TJP2: variants seen among roughly 807,000 people sequenced by gnomAD.
TJP2 encodes the protein tight junction protein 2, also known as Friedreich ataxia region gene X104 (tight junction protein ZO-2).
Under a neutral mutation model 133.1 loss-of-function variants are expected in TJP2, and 91 were observed. The observed-to-expected ratio is 0.68, with a 90% CI of 0.58 to 0.81. The LOEUF (loss-of-function observed/expected upper bound fraction) is 0.81. Ranked by LOEUF, TJP2 falls within the 40% of genes least tolerant of loss-of-function variation. The pLI, the probability that TJP2 is intolerant of heterozygous loss-of-function variation, is 0.00. For missense variants in TJP2, 1,541 were observed against 1,565.6 expected, an observed-to-expected ratio of 0.98 and a Z score of 0.26; for synonymous variants, 592 against 583.4, an observed-to-expected ratio of 1.01 and a Z score of -0.21.
At chr9:69,143,957 G>T (rs1823111545) in intron 1 of TJP2, among the ~76,000 whole-genome samples, 1 of 152,102 alleles carries the variant, frequency 6.6e-6, no homozygotes, top group South Asian at 2.1e-4. Context: ...AAAGATATTA[G>T]TTCTCAAGGT....
At chr9:69,197,688 CA>C (rs1257422209) in intron 1 of TJP2, among the ~76,000 whole-genome samples, 1 of 151,390 alleles carries the variant, frequency 6.6e-6, no homozygotes, top group Non-Finnish European at 1.5e-5. Context: ...TTACTTTATT[CA>C]GTTCTCAGAA....
intron 4 of TJP2, among the ~76,000 whole-genome samples, chr9:69,220,081 C>T (rs1280658837): frequency 2.0e-5 from 3 of 152,162 alleles, no homozygotes; most frequent in East Asian, 1.9e-4. Flanking sequence ...ACCTGGGAGG[C>T]GGAGGTTGCA....
At position 69,221,000 on chromosome 9, in the gene TJP2, G is replaced by A; in HGVS notation, c.456G>A (p.Arg152=). The A allele has an allele frequency of 6.2e-7, 1 of 1,612,288 alleles. No individual in the cohort carries two copies. The highest frequency in any genetic ancestry group is 1.1e-5 in the South Asian group (1 of 90,836). The change falls in exon 5 of 23, where the codon CGG becomes CGA. Residue 152 remains arginine, a synonymous_variant. Coordinates refer to ENST00000377245, the MANE Select transcript of TJP2 (RefSeq NM_004817.4). The part of the protein sequence containing the change: ...VMDEFDGRSF[R]SGYSERSRLN... Reference sequence around the variant, plus strand: ...ACGAGTTTGATGGCAGAAGTTTCCGGAGTGGCTACAGCGAGAGGAGCCGGC... The same window carrying A: ...ACGAGTTTGATGGCAGAAGTTTCCGAAGTGGCTACAGCGAGAGGAGCCGGC...
At chr9:69,155,500 CT>C (rs1359816609) in intron 2 of TJP2, among the ~76,000 whole-genome samples, 3 of 152,234 alleles carry the variant, frequency 2.0e-5, no homozygotes, top group Non-Finnish European at 4.4e-5. Context: ...AGGGTTTCTG[CT>C]TCAGGCAGTC....
intron 1 of TJP2, among the ~76,000 whole-genome samples, chr9:69,141,366 C>T (rs530525444): frequency 7.9e-5 from 12 of 152,060 alleles, no homozygotes; most frequent in African/African-American, 2.9e-4. Context: ...TCTGCTCCCC[C>T]GAGCAGGACC....
intron 5 of TJP2, among the ~76,000 whole-genome samples, chr9:69,223,204 T>G (rs1829043813): frequency 6.6e-6 from 1 of 152,236 alleles, no homozygotes; most frequent in East Asian, 1.9e-4. Context: ...TAATCATTGT[T>G]GAGTTTCTGC....
Position 69,254,210 on chromosome 9 carries a change from T to A in TJP2, c.3409T>A (p.Ser1137Thr), listed in dbSNP as rs1831543116. 4 of 1,614,212 alleles carry A rather than the reference T, an allele frequency of 2.5e-6. No homozygotes were observed. The highest frequency in any genetic ancestry group is 1.3e-5 in the African/African-American group (1 of 75,056). Residue 1137 changes from serine (S) to threonine (T), a missense_variant and splice_region_variant, in exon 23 of 23, where the codon TCC becomes ACC. Physicochemically the swap from Ser to Thr is moderately conservative, Grantham distance 58 (BLOSUM62 1). Transcript: ENST00000377245. ...PDPGTPQHTS[S>T]RPPEPQKAPS... is the part of the protein sequence containing the mutation. ...TCTTTAACACCCTTTTTTTGTTAGT[T>A]CCAGACCCCCTGAGCCACAGAAAGC...
chr9:69,156,808 C>T (rs1401872495), intron 2 of TJP2, among the ~76,000 whole-genome samples: 7 of 151,940 alleles, frequency 4.6e-5, no homozygotes, highest in African/African-American at 1.5e-4. Context: ...CGTGAGCCAC[C>T]GCGCCCGGCC....
upstream of TJP2, among the ~76,000 whole-genome samples, chr9:69,170,141 C>A (rs549603083): frequency 6.6e-6 from 1 of 152,222 alleles, no homozygotes; most frequent in Non-Finnish European, 1.5e-5. Flanking sequence ...AGCCCCTGCA[C>A]CTAGCTGACC....
intron 17 of TJP2, among the ~76,000 whole-genome samples, chr9:69,245,382 T>C (rs1032505088): frequency 4.6e-5 from 7 of 152,214 alleles, no homozygotes; most frequent in African/African-American, 1.4e-4. Flanking sequence ...GCAATGTAGT[T>C]TAAAAGAAAT....
intron 1 of TJP2, among the ~76,000 whole-genome samples, chr9:69,188,032 T>A (rs540486046): frequency 2.0e-5 from 3 of 152,358 alleles, no homozygotes; most frequent in African/African-American, 7.2e-5. Flanking sequence ...GCGGAGCTTA[T>A]AGAACTGCTC....
chr9:69,192,578 G>A (rs1826276036), intron 1 of TJP2, among the ~76,000 whole-genome samples: 2 of 152,254 alleles, frequency 1.3e-5, no homozygotes, highest in South Asian at 2.1e-4. Flanking sequence ...TTTTGGTGGT[G>A]GTTTGTTGCT....
intron 16 of TJP2, among the ~76,000 whole-genome samples, chr9:69,239,092 G>A (rs905192393): frequency 6.6e-6 from 1 of 152,232 alleles, no homozygotes; most frequent in African/African-American, 2.4e-5. Flanking sequence ...AGGAGGCTGA[G>A]GCAGGAGAAT....
intron 1 of TJP2, among the ~76,000 whole-genome samples, chr9:69,187,357 C>G (rs926228228): frequency 6.6e-6 from 1 of 152,156 alleles, no homozygotes; most frequent in African/African-American, 2.4e-5. Flanking sequence ...CTGTAACATA[C>G]CACTCCAGAC....
chr9:69,171,952 C>G (rs1029911089), upstream of TJP2, among the ~76,000 whole-genome samples: 4 of 152,066 alleles, frequency 2.6e-5, no homozygotes, highest in Admixed American at 2.0e-4. Flanking sequence ...TGCGCCACCA[C>G]GCCCAGCTAA....
intron 1 of TJP2, among the ~76,000 whole-genome samples, chr9:69,197,999 C>A (rs886633556): frequency 2.0e-5 from 3 of 152,180 alleles, no homozygotes; most frequent in Non-Finnish European, 4.4e-5. Flanking sequence ...ATTGAGTGAG[C>A]GCCCAAGCTC....
Position 69,174,430 on chromosome 9 carries a change from C to G in TJP2, c.58C>G (p.Arg20Gly). Reference sequence around the variant, plus strand: ...CCGGCGGGAGCTGTCAGGTTGGCTCCGCGTAAGTGCCTCCTTGTGCCGCGC... The same window carrying G: ...CCGGCGGGAGCTGTCAGGTTGGCTCGGCGTAAGTGCCTCCTTGTGCCGCGC... Reference protein sequence around the residue: ...PPRRELSGWLRAPGMEELIWE... With the variant: ...PPRRELSGWLGAPGMEELIWE... The change falls in exon 1 of 23, where the codon CGC (arginine) becomes GGC (glycine). Residue 20 changes from arginine (R) to glycine (G), a missense_variant and splice_region_variant. Physicochemically the swap from Arg to Gly is moderately radical, Grantham distance 125 (BLOSUM62 -2). Transcript: ENST00000377245. 1 of 1,551,246 alleles carries G rather than the reference C, an allele frequency of 6.4e-7. No homozygotes were observed. The highest frequency in any genetic ancestry group is 8.7e-7 in the Non-Finnish European group (1 of 1,146,950).
intron 1 of TJP2, among the ~76,000 whole-genome samples, chr9:69,140,580 A>G (rs1226202004): frequency 6.6e-6 from 1 of 152,154 alleles, no homozygotes; most frequent in Non-Finnish European, 1.5e-5. Flanking sequence ...CCCAGTTCTG[A>G]TGTGAGGGGT....
At chr9:69,173,142 G>C (rs1223881179), upstream of TJP2, among the ~76,000 whole-genome samples, 1 of 152,180 alleles carries the variant, frequency 6.6e-6, no homozygotes, top group African/African-American at 2.4e-5. Flanking sequence ...TTCAGGGAGA[G>C]AGCCCAGCAT....
Sources: allele counts gnomAD v4.1 joint callset (sites outside exome capture counted in the v4.1 genomes callset), GRCh38; gene constraint gnomAD v4.1.1; transcripts MANE v1.5; gene names NCBI Gene and HGNC (gene_info 2026-07-23, HGNC 2026-07-21).